Variants in HPSE2 observed in about 807,000 individuals in gnomAD.
HPSE2 encodes heparanase 2 (inactive).
HPSE2 carries 38 observed loss-of-function variants against 60.5 expected under a neutral mutation model. The observed-to-expected ratio is 0.63, with a 90% CI of 0.48 to 0.82. The LOEUF (loss-of-function observed/expected upper bound fraction) is 0.82, where lower values mean the gene tolerates loss of function less well. Ranked by LOEUF, HPSE2 falls within the 40% of genes least tolerant of loss-of-function variation. The probability of loss-of-function intolerance (pLI) is 0.00; values close to 1 mark genes in which losing one functional copy is unlikely to be tolerated. For missense variants in HPSE2, 713 were observed against 740.4 expected, an observed-to-expected ratio of 0.96 and a Z score of 0.43; for synonymous variants, 295 against 293.2, an observed-to-expected ratio of 1.01 and a Z score of -0.06.
chr10:98,810,703 G>T (rs1287997238), intron 3 of HPSE2, among the ~76,000 whole-genome samples: 3 of 151,890 alleles, frequency 2.0e-5, no homozygotes, highest in Non-Finnish European at 4.4e-5. Context: ...GGAAGAAGAA[G>T]AATTGTCTTG....
At chr10:98,851,724 T>A (rs1952178041) in intron 3 of HPSE2, among the ~76,000 whole-genome samples, 1 of 152,146 alleles carries the variant, frequency 6.6e-6, no homozygotes, top group African/African-American at 2.4e-5. Flanking sequence ...AGTAAACCAG[T>A]ATTTTCTTTA....
intron 2 of HPSE2, 100 bp downstream of exon 2, chr10:99,232,248 C>A (rs1849676150): frequency 2.2e-6 from 3 of 1,375,384 alleles, no homozygotes; most frequent in African/African-American, 1.5e-5. Flanking sequence ...CACACACACA[C>A]ACACACACGA....
At chr10:98,555,742 G>C (rs1943989188) in intron 9 of HPSE2, among the ~76,000 whole-genome samples, 1 of 152,132 alleles carries the variant, frequency 6.6e-6, no homozygotes. Context: ...TGCAGATGAT[G>C]GAATAAAGGC....
chr10:99,135,651 A>G (rs1175182437), intron 3 of HPSE2, among the ~76,000 whole-genome samples: 1 of 152,204 alleles, frequency 6.6e-6, no homozygotes, highest in Non-Finnish European at 1.5e-5. Flanking sequence ...TTTGAAACCA[A>G]TGAGAACGAA....
intron 9 of HPSE2, among the ~76,000 whole-genome samples, chr10:98,531,782 C>T (rs1943137966): frequency 1.3e-5 from 2 of 151,938 alleles, no homozygotes. Context: ...ACAGGAAGCC[C>T]CCTGGTGACT....
At chr10:99,199,869 TC>T (rs1214094130) in intron 2 of HPSE2, among the ~76,000 whole-genome samples, 1 of 152,190 alleles carries the variant, frequency 6.6e-6, no homozygotes, top group Non-Finnish European at 1.5e-5. Context: ...TAGATTTCTT[TC>T]GGTAGTATAG....
intron 3 of HPSE2, chr10:99,013,750 G>A: frequency 4.2e-6 from 1 of 239,806 alleles, no homozygotes; most frequent in Non-Finnish European, 8.9e-6. Flanking sequence ...GGGATTACAG[G>A]CGTGAGCTAC....
chr10:98,576,723 C>T (rs952465529), intron 9 of HPSE2, among the ~76,000 whole-genome samples: 6 of 152,072 alleles, frequency 3.9e-5, no homozygotes, highest in African/African-American at 1.4e-4. Flanking sequence ...TTCTCCCCTC[C>T]TCCATCCTGT....
intron 2 of HPSE2, among the ~76,000 whole-genome samples, chr10:99,186,104 C>CCA (rs527839752): frequency 0.13 from 10,494 of 80,436 alleles, 561 homozygotes; most frequent in South Asian, 0.23. Flanking sequence ...GGATAAATAA[C>CCA]CACACACACA....
At chr10:98,517,071 C>A (rs1263854493) in intron 9 of HPSE2, among the ~76,000 whole-genome samples, 1 of 152,058 alleles carries the variant, frequency 6.6e-6, no homozygotes, top group Non-Finnish European at 1.5e-5. Flanking sequence ...TAGGAATAAT[C>A]CCTTCTTTCG....
At chr10:98,780,575 G>C (rs1361488993) in intron 3 of HPSE2, among the ~76,000 whole-genome samples, 2 of 151,998 alleles carry the variant, frequency 1.3e-5, no homozygotes, top group Non-Finnish European at 2.9e-5. Context: ...GAAGATGGCC[G>C]GGGGACTGAA....
intron 3 of HPSE2, among the ~76,000 whole-genome samples, chr10:99,108,385 G>A (rs1422192517): frequency 3.4e-4 from 51 of 150,576 alleles, no homozygotes; most frequent in African/African-American, 1.2e-3. Context: ...GTAAGTCTGA[G>A]AGAAGACACT....
At chr10:99,240,186 T>C (rs1849916530), upstream of HPSE2, among the ~76,000 whole-genome samples, 1 of 150,692 alleles carries the variant, frequency 6.6e-6, no homozygotes, top group African/African-American at 2.4e-5. Flanking sequence ...CAAAACTCCA[T>C]CTCAAAAAAA....
At chr10:99,053,562 A>C (rs1028626764) in intron 3 of HPSE2, among the ~76,000 whole-genome samples, 1 of 151,998 alleles carries the variant, frequency 6.6e-6, no homozygotes, top group Non-Finnish European at 1.5e-5. Context: ...TGACATAAGC[A>C]ACTATAAACT....
intron 3 of HPSE2, among the ~76,000 whole-genome samples, chr10:99,133,363 C>T (rs952540386): frequency 3.3e-5 from 5 of 152,238 alleles, no homozygotes; most frequent in African/African-American, 1.2e-4. Flanking sequence ...AGCAGCAGAC[C>T]TCCCAGCACA....
chr10:99,125,520 T>C (rs929518800), intron 3 of HPSE2, among the ~76,000 whole-genome samples: 1 of 152,196 alleles, frequency 6.6e-6, no homozygotes, highest in Non-Finnish European at 1.5e-5. Context: ...AGATTCACAC[T>C]GTGAACTTTT....
intron 9 of HPSE2, among the ~76,000 whole-genome samples, chr10:98,576,363 A>C (rs756226090): frequency 1.3e-5 from 2 of 152,192 alleles, no homozygotes; most frequent in Admixed American, 6.5e-5. Context: ...ACAGAGAAAT[A>C]AAAAGCGACT....
chr10:99,184,439 C>A (rs987175749), intron 2 of HPSE2, among the ~76,000 whole-genome samples: 1 of 140,380 alleles, frequency 7.1e-6, no homozygotes, highest in South Asian at 2.3e-4. Context: ...GCAGTGGAAT[C>A]GCTTGAACCC....
Position 98,477,809 on chromosome 10 carries a change from G to C in HPSE2, c.1613+4827C>G, listed in dbSNP as rs181419611. Among the ~76,000 whole-genome samples, 16 of 152,250 alleles carry C rather than the reference G, an allele frequency of 1.1e-4. No individual in the cohort carries two copies. The East Asian group carries it at 2.7e-3, about 26-fold the overall frequency. On this transcript the variant is annotated intron_variant, in intron 11 of 11. Transcript: ENST00000370552. Reference sequence around the variant, plus strand: ...TTAGGAACTGGGCTGCACAGTAAAAGGTGAGTGGTGGGTGAGCATTACCAC... The same window carrying C: ...TTAGGAACTGGGCTGCACAGTAAAACGTGAGTGGTGGGTGAGCATTACCAC...
Sources: allele counts gnomAD v4.1 joint callset (sites outside exome capture counted in the v4.1 genomes callset), GRCh38; gene constraint gnomAD v4.1.1; transcripts MANE v1.5; gene names NCBI Gene and HGNC (gene_info 2026-07-23, HGNC 2026-07-21).